TAFAZZIN: variants seen among roughly 807,000 people sequenced by gnomAD.
TAFAZZIN encodes the protein tafazzin, phospholipid-lysophospholipid transacylase.
In TAFAZZIN, 6 loss-of-function variants were observed where a neutral mutation model predicts 27.3. That is an observed-to-expected ratio of 0.22 (90% CI 0.12 to 0.43). The LOEUF is 0.43. Ranked by LOEUF, TAFAZZIN falls within the 20% of genes least tolerant of loss-of-function variation. The pLI, the probability that TAFAZZIN is intolerant of heterozygous loss-of-function variation, is 1.00. For missense variants in TAFAZZIN, 127 were observed against 244.5 expected (o/e 0.52, Z 3.21); for synonymous variants, 79 against 96.2 (o/e 0.82, Z 1.04).
At chrX:154,412,313 A>C in intron 2 of TAFAZZIN, 99 bp downstream of exon 2, 1 of 1,078,066 alleles carries the variant, frequency 9.3e-7, no homozygotes, top group Non-Finnish European at 1.2e-6. Flanking sequence ...CTTTTCATGG[A>C]GCCCTGGCAC....
At chrX:154,417,972 C>T (rs1345815644) in intron 5 of TAFAZZIN, among the ~76,000 whole-genome samples, 1 of 112,144 alleles carries the variant, frequency 8.9e-6, no homozygotes, top group Non-Finnish European at 1.9e-5. Context: ...TTTCTCCAAG[C>T]GTAGATTTTA....
At position 154,412,859 on chromosome X, in the gene TAFAZZIN, G is replaced by A. The variant is rs182048028; in HGVS notation, c.239-348G>A. ...GCTGGGTGGAGAAAGGCCTATAGATGTCACAGGTGGATCCTGGGAGGCCAG... is the reference window on the plus strand; with the variant it reads ...GCTGGGTGGAGAAAGGCCTATAGATATCACAGGTGGATCCTGGGAGGCCAG... On this transcript the variant is annotated intron_variant, in intron 2 of 10. Transcript: ENST00000601016. The A allele has an allele frequency of 9.0e-6, 3 of 332,637 alleles. No homozygotes were observed. In the Admixed American group the frequency reaches 1.4e-4, roughly 16 times the overall value. 27.4% of individuals were successfully genotyped at this position (332,637 alleles called of 1,213,427 possible).
Position 154,419,586 on chromosome X carries a change from G to A in TAFAZZIN, c.504G>A (p.Lys168=), listed in dbSNP as rs1057515818. 5.0e-6 allele frequency: 6 copies of A among 1,211,963 alleles called. No individual in the cohort carries two copies. Among genetic ancestry groups the A allele is most frequent in the Non-Finnish European group, 6.7e-6 (6 of 895,520 alleles). ...AGGGGATGGACTTCATTTTGGAGAA[G>A]CTCAACCATGGGGACTGGGTGCATA... ...YQKGMDFILE[K]LNHGDWVHIF... The change falls in exon 6 of 11, where the codon AAG becomes AAA. Residue 168 remains lysine, a synonymous_variant. Transcript: ENST00000601016.
At position 154,411,701 on chromosome X, in the gene TAFAZZIN, A is replaced by T; in HGVS notation, c.-143A>T. The T allele has an allele frequency of 1.8e-6, 1 of 561,690 alleles. No homozygotes were observed. 46.3% of individuals were successfully genotyped at this position (561,690 alleles called of 1,213,427 possible). A position where few individuals can be genotyped will look rare whatever the true frequency, so the allele number is the denominator to read the frequency against. On this transcript the variant is annotated 5_prime_UTR_variant, in exon 1 of 11. Coordinates refer to ENST00000601016, the MANE Select transcript of TAFAZZIN (RefSeq NM_000116.5). ...CTGACCTGCGAAGGGACCTCGGTCC[A>T]GTCCCCTGTTGCGCCGCGCCCCCGT...
rs1244590403 is a variant in TAFAZZIN at position 154,412,316 on chromosome X, C to T, written c.238+102C>T. 16 of 1,067,867 alleles carry T rather than the reference C, an allele frequency of 1.5e-5. No individual in the cohort carries two copies. The Admixed American group carries it at 4.6e-4, about 31-fold the overall frequency. 88.0% of individuals were successfully genotyped at this position (1,067,867 alleles called of 1,213,427 possible). Reference sequence around the variant, plus strand: ...CCTTCTCGCTGCCTTTTCATGGAGCCCTGGCACTCCGGTTTCCGGGCGTTC... The same window carrying T: ...CCTTCTCGCTGCCTTTTCATGGAGCTCTGGCACTCCGGTTTCCGGGCGTTC... On this transcript the variant is annotated intron_variant, in intron 2 of 10. Coordinates refer to ENST00000601016, the MANE Select transcript of TAFAZZIN (RefSeq NM_000116.5).
In TAFAZZIN at chrX:154,413,518, G is replaced by A. The variant is rs143525004; in HGVS notation, c.321G>A (p.Glu107=). ...PAAADICFTK[E]LHSHFFSLGK... ...CTGCAGACATCTGCTTCACCAAGGA[G>A]CTACACTCCCACTTCTTCAGCTTGG... Residue 107 remains glutamate (E), a synonymous_variant, in exon 4 of 11, where the codon GAG becomes GAA. Transcript: ENST00000601016. 5.0e-6 allele frequency: 6 copies of A among 1,211,068 alleles called. No homozygotes were observed. In the African/African-American group the frequency reaches 7.0e-5, roughly 14 times the overall value.
At chrX:154,413,033 G>A in intron 2 of TAFAZZIN, 174 bp from the exon 3 acceptor site, 1 of 577,117 alleles carries the variant, frequency 1.7e-6, no homozygotes, top group Non-Finnish European at 2.9e-6. Context: ...GAGGGTGGGG[G>A]AGAGGGAGGA....
intron 2 of TAFAZZIN, 25 bp downstream of exon 2, chrX:154,412,239 G>T: frequency 8.4e-7 from 1 of 1,187,388 alleles, no homozygotes; most frequent in Non-Finnish European, 1.1e-6. Context: ...GTGCTGGGCA[G>T]GGGGAGGAAA....
At chrX:154,418,789 G>A (rs2068549138) in intron 5 of TAFAZZIN, 1 of 112,446 alleles carries the variant, frequency 8.9e-6, no homozygotes, top group South Asian at 3.7e-4. Context: ...CTATAAGGGA[G>A]GGTCTAGTTT....
chrX:154,413,633 T>G (rs782315806), intron 4 of TAFAZZIN, 66 bp downstream of exon 4: 1 of 1,131,149 alleles, frequency 8.8e-7, no homozygotes, highest in Non-Finnish European at 1.2e-6. Context: ...GGCCAGTGTC[T>G]CTGTTTTGGA....
In TAFAZZIN at chrX:154,420,703, C is replaced by A; in HGVS notation, c.745C>A (p.Leu249Ile). The A allele has an allele frequency of 1.7e-6, 2 of 1,211,354 alleles. No individual in the cohort carries two copies. The highest frequency in any genetic ancestry group is 2.2e-6 in the Non-Finnish European group (2 of 895,377). ...IGKPFSALPV[L>I]ERLRAENKSA... ...GAAGCCCTTCAGTGCCCTGCCTGTA[C>A]TCGAGCGGCTCCGGGCGGAGAACAA... The change falls in exon 10 of 11, where the codon CTC becomes ATC. Residue 249 changes from leucine to isoleucine, a missense_variant. By Grantham distance (5) the Leu-to-Ile change is conservative. Coordinates refer to ENST00000601016, the MANE Select transcript of TAFAZZIN (RefSeq NM_000116.5).
At position 154,419,911 on chromosome X, in the gene TAFAZZIN, G is replaced by T. The variant is rs2068580621; in HGVS notation, c.584-121G>T. 5 of 1,099,601 alleles carry T rather than the reference G, an allele frequency of 4.5e-6. No homozygotes were observed. The Admixed American group carries it at 1.1e-4, about 24-fold the overall frequency. 90.6% of individuals were successfully genotyped at this position (1,099,601 alleles called of 1,213,427 possible). A position where few individuals can be genotyped will look rare whatever the true frequency, so the allele number is the denominator to read the frequency against. On this transcript the variant is annotated intron_variant, in intron 7 of 10. Transcript: ENST00000601016. ...GAGACTAGGCCTGCCTCTCGCAGGG[G>T]CTTGCCCAAGGGAGCTGAATTGAAC...
Position 154,411,615 on chromosome X carries a change from G to T in TAFAZZIN, c.-229G>T. ...CCTCCCGTTCCGCAGCGCGCCCACGGCCTGTGACCCCGGCGACCGCTCCCC... is the reference window on the plus strand; with the variant it reads ...CCTCCCGTTCCGCAGCGCGCCCACGTCCTGTGACCCCGGCGACCGCTCCCC... On this transcript the variant is annotated 5_prime_UTR_variant, in exon 1 of 11. Transcript: ENST00000601016. 2.2e-6 allele frequency: 1 copy of T among 457,338 alleles called. No individual in the cohort carries two copies. Among genetic ancestry groups the T allele is most frequent in the Non-Finnish European group, 3.9e-6 (1 of 254,398 alleles). 37.7% of individuals were successfully genotyped at this position (457,338 alleles called of 1,213,427 possible). A position where few individuals can be genotyped will look rare whatever the true frequency, so the allele number is the denominator to read the frequency against.
At position 154,411,553 on chromosome X, in the gene TAFAZZIN, G is replaced by A. The variant is rs1557190332; in HGVS notation, c.-291G>A. 2 of 369,170 alleles carry A rather than the reference G, an allele frequency of 5.4e-6. No individual in the cohort carries two copies. The highest frequency in any genetic ancestry group is 2.7e-5 in the African/African-American group (1 of 37,463). The allele number at this position is 369,170 out of a possible 1,213,427, so 30.4% of individuals were successfully genotyped here. A position where few individuals can be genotyped will look rare whatever the true frequency, so the allele number is the denominator to read the frequency against. ...GGCGCAGGTTCGCTTTCCGGCGGTT[G>A]CACCGGGCCGGGGTGCCAGCGCCCG... On this transcript the variant is annotated 5_prime_UTR_variant, in exon 1 of 11. Transcript: ENST00000601016.
In TAFAZZIN at chrX:154,421,520, C is replaced by A. The variant is rs1557194905; in HGVS notation, c.*516C>A. 2 of 330,803 alleles carry A rather than the reference C, an allele frequency of 6.0e-6. No homozygotes were observed. Among genetic ancestry groups the A allele is most frequent in the Non-Finnish European group, 1.2e-5 (2 of 170,443 alleles). The allele number at this position is 330,803 out of a possible 1,213,427, so 27.3% of individuals were successfully genotyped here. Reference sequence around the variant, plus strand: ...GCAAGGTCTGGCCTCAGGTGGGCCGCAGGCGGGAAAAGCAGCCCTTGGCCA... The same window carrying A: ...GCAAGGTCTGGCCTCAGGTGGGCCGAAGGCGGGAAAAGCAGCCCTTGGCCA... On this transcript the variant is annotated 3_prime_UTR_variant, in exon 11 of 11. Transcript: ENST00000601016.
intron 5 of TAFAZZIN, 24 bp from the exon 6 acceptor site, chrX:154,419,519 T>C (rs2068567667): frequency 2.5e-6 from 3 of 1,207,472 alleles, no homozygotes; most frequent in Non-Finnish European, 3.4e-6. Flanking sequence ...TGGTTACTGA[T>C]AGGGAGAGGC....
In TAFAZZIN at chrX:154,421,546, G is replaced by A. The variant is rs1557194922; in HGVS notation, c.*542G>A. On this transcript the variant is annotated 3_prime_UTR_variant, in exon 11 of 11. Coordinates refer to ENST00000601016, the MANE Select transcript of TAFAZZIN (RefSeq NM_000116.5). ...AGGCGGGAAAAGCAGCCCTTGGCCA[G>A]AAGTCAAGCCCAGCCACGTGGAGCC... 2 of 329,594 alleles carry A rather than the reference G, an allele frequency of 6.1e-6. No individual in the cohort carries two copies. The highest frequency in any genetic ancestry group is 6.2e-5 in the Admixed American group (2 of 32,204). The allele number at this position is 329,594 out of a possible 1,213,427, so 27.2% of individuals were successfully genotyped here.
At chrX:154,413,149 G>C in intron 2 of TAFAZZIN, 58 bp from the exon 3 acceptor site, 1 of 1,205,334 alleles carries the variant, frequency 8.3e-7, no homozygotes, top group African/African-American at 1.7e-5. Flanking sequence ...TGGGGTGAAG[G>C]AAGGGCACTC....
chrX:154,412,225 C>G lies in TAFAZZIN; in HGVS notation c.238+11C>G, dbSNP rs1163786089. The G allele has an allele frequency of 2.5e-6, 3 of 1,191,963 alleles. No individual in the cohort carries two copies. Among genetic ancestry groups the G allele is most frequent in the Non-Finnish European group, 3.4e-6 (3 of 885,136 alleles). ...ACCCTCATCTCTGGGGTACCCGGGC[C>G]AGTGTGCTGGGCAGGGGGAGGAAAG... is the stretch of plus-strand genomic sequence containing the variant. On this transcript the variant is annotated intron_variant, in intron 2 of 10. Transcript: ENST00000601016.
Sources: allele counts gnomAD v4.1 joint callset (sites outside exome capture counted in the v4.1 genomes callset), GRCh38; gene constraint gnomAD v4.1.1; transcripts MANE v1.5; gene names NCBI Gene and HGNC (gene_info 2026-07-23, HGNC 2026-07-21).